ACACB: variants seen among roughly 807,000 people sequenced by gnomAD.
The protein encoded by ACACB is acetyl-CoA carboxylase 2.
In ACACB, 209 loss-of-function variants were observed where a neutral mutation model predicts 278.8. The observed-to-expected ratio is 0.75, with a 90% CI of 0.67 to 0.84. The LOEUF (loss-of-function observed/expected upper bound fraction) is 0.84, where lower values mean the gene tolerates loss of function less well. Ranked by LOEUF, ACACB falls within the 40% of genes least tolerant of loss-of-function variation. ACACB has a pLI of 0.00. For missense variants in ACACB, 2,850 were observed against 3,269.0 expected (o/e 0.87, Z 3.13); for synonymous variants, 1,174 against 1,285.6 (o/e 0.91, Z 1.86).
intron 16 of ACACB, 118 bp from the exon 17 acceptor site, chr12:109,196,890 G>T (rs1593528629): frequency 2.5e-6 from 3 of 1,178,996 alleles, no homozygotes; most frequent in East Asian, 3.1e-5. Context: ...AGAGACGGGG[G>T]TGTTCATCTT....
chr12:109,130,408 G>A (rs1356912295), intron 1 of ACACB, among the ~76,000 whole-genome samples: 1 of 152,168 alleles, frequency 6.6e-6, no homozygotes, highest in Non-Finnish European at 1.5e-5. Context: ...ACCAAACAAG[G>A]TGCCCGGTGA....
At chr12:109,143,831 T>C (rs1475728663) in intron 2 of ACACB, among the ~76,000 whole-genome samples, 2 of 151,948 alleles carry the variant, frequency 1.3e-5, no homozygotes, top group African/African-American at 4.8e-5. Context: ...TTTGACTGGA[T>C]GAAAAAATTA....
intron 11 of ACACB, 106 bp downstream of exon 11, chr12:109,180,193 G>A (rs766506583): frequency 7.7e-6 from 9 of 1,172,364 alleles, no homozygotes; most frequent in Non-Finnish European, 1.1e-5. Context: ...ACTGTCCCAG[G>A]GGAATGACTG....
At chr12:109,152,242 T>A (rs887835583) in intron 2 of ACACB, among the ~76,000 whole-genome samples, 2 of 152,212 alleles carry the variant, frequency 1.3e-5, no homozygotes, top group African/African-American at 4.8e-5. Context: ...CTGACTTTGG[T>A]AGGGTTGGGG....
At chr12:109,245,555 C>G (rs768268324) in intron 37 of ACACB, 71 bp from the exon 38 acceptor site, 8 of 1,495,754 alleles carry the variant, frequency 5.3e-6, no homozygotes, top group Non-Finnish European at 7.3e-6. Context: ...GACAGATCAT[C>G]TCTGTCTGGG....
upstream of ACACB, among the ~76,000 whole-genome samples, chr12:109,112,886 G>A (rs1252903940): frequency 6.6e-6 from 1 of 152,058 alleles, no homozygotes; most frequent in East Asian, 1.9e-4. Context: ...ATATTTGAGG[G>A]TTTGCAGTTA....
chr12:109,219,088 G>C (rs925324056), intron 24 of ACACB, among the ~76,000 whole-genome samples: 2 of 151,874 alleles, frequency 1.3e-5, no homozygotes, highest in Non-Finnish European at 2.9e-5. Flanking sequence ...TTTTGTAAAG[G>C]GCTCCAGATA....
chr12:109,189,840 G>A (rs748878739), intron 13 of ACACB, among the ~76,000 whole-genome samples: 1 of 152,226 alleles, frequency 6.6e-6, no homozygotes, highest in Non-Finnish European at 1.5e-5. Context: ...GCCAGGCACA[G>A]TGGCTCATGC....
chr12:109,199,591 A>G, intron 18 of ACACB, 39 bp downstream of exon 18: 1 of 1,387,316 alleles, frequency 7.2e-7, no homozygotes, highest in East Asian at 2.7e-5. Flanking sequence ...CTGAACCCTC[A>G]AACTCCCACT....
intron 21 of ACACB, among the ~76,000 whole-genome samples, chr12:109,210,342 C>T (rs865816821): frequency 7.4e-5 from 2 of 27,024 alleles, no homozygotes; most frequent in Admixed American, 4.1e-4. Context: ...TATATACACG[C>T]ACACACATAT....
chr12:109,156,816 A>C (rs978650670), intron 2 of ACACB, among the ~76,000 whole-genome samples: 1 of 152,112 alleles, frequency 6.6e-6, no homozygotes, highest in South Asian at 2.1e-4. Flanking sequence ...TCCATTGTGG[A>C]AGGCAGATGT....
At chr12:109,215,743 C>G (rs762759202) in intron 22 of ACACB, among the ~76,000 whole-genome samples, 10 of 151,978 alleles carry the variant, frequency 6.6e-5, no homozygotes, top group African/African-American at 2.4e-4. Flanking sequence ...TCCAGCCTGG[C>G]CGACTGAGCG....
chr12:109,230,050 G>A (rs942341805), intron 28 of ACACB, among the ~76,000 whole-genome samples: 8 of 152,124 alleles, frequency 5.3e-5, no homozygotes, highest in Middle Eastern at 3.2e-3. Flanking sequence ...TACCTACGGC[G>A]GCATTGATGT....
chr12:109,120,699 A>G (rs1433084321), intron 1 of ACACB, among the ~76,000 whole-genome samples: 1 of 152,156 alleles, frequency 6.6e-6, no homozygotes, highest in Non-Finnish European at 1.5e-5. Flanking sequence ...GAGTGAGGCA[A>G]TGGTGGGCGT....
At chr12:109,156,700 C>T (rs1268758796) in intron 2 of ACACB, among the ~76,000 whole-genome samples, 2 of 151,600 alleles carry the variant, frequency 1.3e-5, no homozygotes, top group Non-Finnish European at 2.9e-5. Context: ...TTACCTGGTC[C>T]ATAAACATTC....
At position 109,232,720 on chromosome 12, in the gene ACACB, A is replaced by G. The variant is rs375452810; in HGVS notation, c.4053A>G (p.Thr1351=). 8.1e-6 allele frequency: 13 copies of G among 1,614,074 alleles called. No individual in the cohort carries two copies. In the South Asian group the frequency reaches 9.9e-5, roughly 12 times the overall value. The change falls in exon 29 of 53, where the codon ACA becomes ACG. Residue 1351 remains threonine (T), a synonymous_variant. Coordinates refer to ENST00000338432, the MANE Select transcript of ACACB (RefSeq NM_001093.4). ...ACCCTGACCTGCTGAGGCACAGCAC[A>G]GAGCTCTTCATGGACAGCGGCTTCT... is the stretch of plus-strand genomic sequence containing the variant. ...ITNPDLLRHS[T]ELFMDSGFSP...
chr12:109,208,181 G>A (rs974305862), intron 20 of ACACB, among the ~76,000 whole-genome samples: 39 of 151,576 alleles, frequency 2.6e-4, no homozygotes, highest in Middle Eastern at 3.4e-3. Context: ...TCGCCCCCAC[G>A]TTATGCTGCC....
intron 27 of ACACB, among the ~76,000 whole-genome samples, chr12:109,225,813 A>AT (rs1332110296): frequency 6.6e-6 from 1 of 152,230 alleles, no homozygotes; most frequent in Admixed American, 6.5e-5. Context: ...TACACACTCC[A>AT]TTCCAAAGAT....
At chr12:109,112,403 TTAGAAAC>T (rs368247432), upstream of ACACB, among the ~76,000 whole-genome samples, 304 of 151,862 alleles carry the variant, frequency 2.0e-3, 1 homozygote, top group African/African-American at 6.9e-3. Flanking sequence ...TACTGATTCT[TTAGAAAC>T]TAGGCAACTC....
Sources: allele counts gnomAD v4.1 joint callset (sites outside exome capture counted in the v4.1 genomes callset), GRCh38; gene constraint gnomAD v4.1.1; transcripts MANE v1.5; gene names NCBI Gene and HGNC (gene_info 2026-07-23, HGNC 2026-07-21).